LRP1B: variants seen among roughly 807,000 people sequenced by gnomAD.
LRP1B encodes the protein LDL receptor related protein 1B.
In LRP1B, 217 loss-of-function variants were observed where a neutral mutation model predicts 556.6. The ratio of observed to expected loss-of-function variants is 0.39; its 90% CI spans 0.35 to 0.44. LRP1B has a LOEUF of 0.44. LRP1B is among the 20% of genes least tolerant of loss of function. LRP1B has a pLI of 1.00. For missense variants in LRP1B, 5,053 were observed against 5,620.8 expected (o/e 0.90, Z 3.23); for synonymous variants, 2,047 against 1,865.8 (o/e 1.10, Z -2.50).
At chr2:140,875,664 T>A (rs1030073001) in intron 25 of LRP1B, among the ~76,000 whole-genome samples, 8 of 152,186 alleles carry the variant, frequency 5.3e-5, no homozygotes, top group African/African-American at 1.7e-4. Flanking sequence ...TTTTCTGACC[T>A]AATTAATCCT....
chr2:140,484,634 A>G (rs1459791447), intron 59 of LRP1B, among the ~76,000 whole-genome samples: 1 of 152,174 alleles, frequency 6.6e-6, no homozygotes, highest in East Asian at 1.9e-4. Context: ...TTAAAAAGTT[A>G]TGTACACTCT....
rs201177357 is a variant in LRP1B, at chr2:142,031,337, T to A, written c.82+99311A>T. 1.0e-4 allele frequency among the ~76,000 whole-genome samples: 13 copies of A among 125,732 alleles called. 1 individual carries two copies. Among genetic ancestry groups the A allele is most frequent in the African/African-American group, 2.5e-4 (9 of 35,520 alleles). The allele number at this position is 125,732 out of a possible 152,430, so 82.5% of individuals were successfully genotyped here. A position where few individuals can be genotyped will look rare whatever the true frequency, so the allele number is the denominator to read the frequency against. On this transcript the variant is annotated intron_variant, in intron 1 of 90. Coordinates refer to ENST00000389484, the MANE Select transcript of LRP1B (RefSeq NM_018557.3). The stretch of plus-strand genomic sequence containing the variant: ...GAAAGGTTGATTATACTTATTTTTT[T>A]TTTTTTTTTTTATTATACTCTAAGT...
chr2:141,517,026 A>AG, intron 2 of LRP1B, among the ~76,000 whole-genome samples: 1 of 131,118 alleles, frequency 7.6e-6, no homozygotes, highest in African/African-American at 2.8e-5. Context: ...AAAAAAAAAA[A>AG]AAAAAAGTAA....
chr2:141,335,861 T>C (rs1687828995), intron 3 of LRP1B, among the ~76,000 whole-genome samples: 2 of 152,104 alleles, frequency 1.3e-5, no homozygotes, highest in South Asian at 4.1e-4. Flanking sequence ...TACATCCATA[T>C]ATACAGACCT....
At position 140,702,224 on chromosome 2, in the gene LRP1B, C is replaced by G. The variant is rs1686671388; in HGVS notation, c.6219G>C (p.Gly2073=). 2 of 1,613,770 alleles carry G rather than the reference C, an allele frequency of 1.2e-6. No individual in the cohort carries two copies. Among genetic ancestry groups the G allele is most frequent in the Non-Finnish European group, 1.7e-6 (2 of 1,179,784 alleles). Residue 2073 remains glycine (G), a synonymous_variant, in exon 39 of 91, where the codon GGG becomes GGC. Transcript: ENST00000389484. The part of the protein sequence containing the change: ...KIERIDLETG[G]NREMVLSGSN... ...TTCCTGACAGCACCATCTCGCGATT[C>G]CCTCCAGTCTCAAGGTCGATTCTCT...
intron 7 of LRP1B, among the ~76,000 whole-genome samples, chr2:141,076,245 A>C (rs1352201660): frequency 6.6e-6 from 1 of 152,182 alleles, no homozygotes; most frequent in Non-Finnish European, 1.5e-5. Flanking sequence ...CTGGCAAAAC[A>C]TGCATTTTGA....
intron 11 of LRP1B, among the ~76,000 whole-genome samples, chr2:141,045,810 G>C (rs898372947): frequency 6.6e-6 from 1 of 152,036 alleles, no homozygotes; most frequent in African/African-American, 2.4e-5. Context: ...TTTAAAAAAG[G>C]AATAGTATGA....
chr2:140,923,281 T>G, intron 20 of LRP1B, 134 bp from the exon 21 acceptor site: 6 of 617,400 alleles, frequency 9.7e-6, no homozygotes, highest in Non-Finnish European at 1.7e-5. Context: ...AGAGAATACA[T>G]TTTTACTTTA....
intron 62 of LRP1B, among the ~76,000 whole-genome samples, chr2:140,454,146 T>TTTTA (rs2105318641): frequency 6.6e-6 from 1 of 152,220 alleles, no homozygotes; most frequent in Admixed American, 6.5e-5. Context: ...TTCTTTCTTT[T>TTTTA]TTTATTTGTT....
rs116713262 is a variant in LRP1B at position 140,526,863 on chromosome 2, T to C, written c.7763-513A>G. Among the ~76,000 whole-genome samples the C allele has an allele frequency of 4.6e-3, 700 of 151,658 alleles. 4 individuals carry two copies. Among genetic ancestry groups the C allele is most frequent in the African/African-American group, 0.016 (642 of 41,396 alleles). ...CTGCTATAATAGAGAGAGACAGAGA[T>C]AGAAACAGAAACAAAGAGATGGGCA... On this transcript the variant is annotated intron_variant, in intron 47 of 90. Coordinates refer to ENST00000389484, the MANE Select transcript of LRP1B (RefSeq NM_018557.3).
chr2:141,877,580 G>T (rs1698812749), intron 1 of LRP1B, among the ~76,000 whole-genome samples: 1 of 151,940 alleles, frequency 6.6e-6, no homozygotes, highest in Non-Finnish European at 1.5e-5. Flanking sequence ...TCACTATGTG[G>T]AGCATATCTA....
intron 43 of LRP1B, among the ~76,000 whole-genome samples, chr2:140,563,172 T>TCACA (rs3061360): frequency 4.7e-5 from 7 of 150,240 alleles, no homozygotes; most frequent in African/African-American, 1.5e-4. Context: ...CTCTATTATT[T>TCACA]CACACACACA....
intron 18 of LRP1B, among the ~76,000 whole-genome samples, chr2:140,964,750 T>C (rs959884059): frequency 1.3e-5 from 2 of 152,164 alleles, no homozygotes; most frequent in African/African-American, 4.8e-5. Context: ...GATCTATATC[T>C]GGTATAACAA....
chr2:141,531,937 T>G (rs1684889638), intron 2 of LRP1B, among the ~76,000 whole-genome samples: 1 of 152,178 alleles, frequency 6.6e-6, no homozygotes, highest in Non-Finnish European at 1.5e-5. Flanking sequence ...GAATTATAAG[T>G]GCTAGCCCCT....
intron 27 of LRP1B, among the ~76,000 whole-genome samples, chr2:140,854,406 T>A (rs1288028390): frequency 1.3e-5 from 2 of 152,194 alleles, no homozygotes; most frequent in African/African-American, 4.8e-5. Context: ...CTGTAATGTA[T>A]AATTCACAAT....
At chr2:141,001,591 T>C (rs751667767) in intron 15 of LRP1B, among the ~76,000 whole-genome samples, 1 of 152,050 alleles carries the variant, frequency 6.6e-6, no homozygotes, top group East Asian at 1.9e-4. Flanking sequence ...GTCCTTGCGA[T>C]AGTTAAAGCC....
intron 31 of LRP1B, among the ~76,000 whole-genome samples, chr2:140,832,761 T>A (rs1691761382): frequency 6.6e-6 from 1 of 152,050 alleles, no homozygotes; most frequent in African/African-American, 2.4e-5. Flanking sequence ...AGTAGGGGGA[T>A]GAAGAAAATT....
At chr2:141,329,707 G>C (rs1346555526) in intron 3 of LRP1B, among the ~76,000 whole-genome samples, 3 of 151,638 alleles carry the variant, frequency 2.0e-5, no homozygotes, top group African/African-American at 7.3e-5. Context: ...TTAGGGTAAG[G>C]ATACCAGAAG....
intron 18 of LRP1B, among the ~76,000 whole-genome samples, chr2:140,977,687 T>G (rs1481393924): frequency 6.6e-6 from 1 of 152,144 alleles, no homozygotes; most frequent in Non-Finnish European, 1.5e-5. Flanking sequence ...GGGCCCCACC[T>G]GAGACTGACT....
Sources: gnomAD v4.1 joint callset for allele counts (sites outside exome capture counted in the v4.1 genomes callset) on GRCh38, gnomAD v4.1.1 for gene constraint, MANE v1.5 for transcripts, NCBI Gene and HGNC (gene_info 2026-07-23, HGNC 2026-07-21) for gene names.